Variants in FCER1A observed in about 807,000 individuals in gnomAD.
The protein encoded by FCER1A is high affinity immunoglobulin epsilon receptor subunit alpha.
FCER1A carries 24 observed loss-of-function variants against 23.6 expected under a neutral mutation model. The observed-to-expected ratio is 1.02, with a 90% CI of 0.74 to 1.43. The LOEUF (loss-of-function observed/expected upper bound fraction) is 1.43. Among genes scored for constraint, FCER1A ranks in the 40% most tolerant of loss-of-function variants. FCER1A has a pLI of 0.00. For synonymous variants in FCER1A, 121 were observed against 108.8 expected (o/e 1.11, Z -0.70); for missense variants, 318 against 294.5 (o/e 1.08, Z -0.58).
upstream of FCER1A, among the ~76,000 whole-genome samples, chr1:159,285,194 T>C (rs954315851): frequency 4.6e-5 from 7 of 152,194 alleles, no homozygotes; most frequent in African/African-American, 1.2e-4. Flanking sequence ...GTAGAATCCT[T>C]CTCTCTTTTC....
chr1:159,285,396 CT>C (rs1215835422), upstream of FCER1A, among the ~76,000 whole-genome samples: 2 of 151,966 alleles, frequency 1.3e-5, no homozygotes. Flanking sequence ...ATCTTCTGTA[CT>C]TTTTATAAAT....
intron 4 of FCER1A, among the ~76,000 whole-genome samples, chr1:159,306,729 G>A (rs1652627881): frequency 6.6e-6 from 1 of 152,154 alleles, no homozygotes; most frequent in African/African-American, 2.4e-5. Context: ...GTGTATTGAG[G>A]GAGGAGGGAA....
intron 1 of FCER1A, among the ~76,000 whole-genome samples, chr1:159,289,940 T>C (rs991522989): frequency 7.2e-5 from 11 of 152,186 alleles, no homozygotes; most frequent in African/African-American, 2.7e-4. Flanking sequence ...GTGTGAACAC[T>C]ACCTCATAAG....
chr1:159,308,155 G>A lies in FCER1A; in HGVS notation c.*223G>A. 2.4e-6 allele frequency: 1 copy of A among 415,512 alleles called. No individual in the cohort carries two copies. Among genetic ancestry groups the A allele is most frequent in the South Asian group, 8.5e-5 (1 of 11,734 alleles). The allele number at this position is 415,512 out of a possible 1,614,324, so 25.7% of individuals were successfully genotyped here. On this transcript the variant is annotated 3_prime_UTR_variant, in exon 5 of 5. Transcript: ENST00000693622. ...AGAGAATGAATAGATTCATTTATTA[G>A]CATTTGTAAAAGAGATGTTCAATTT...
rs748130326 is a variant in FCER1A at position 159,305,992 on chromosome 1, G to T, written c.336G>T (p.Trp112Cys). The change falls in exon 4 of 5, where the codon TGG becomes TGT. Residue 112 changes from tryptophan to cysteine, a missense_variant. By Grantham distance (215) the Trp-to-Cys change is radical. Coordinates refer to ENST00000693622, the MANE Select transcript of FCER1A (RefSeq NM_001387280.1). ...AATGTAATGAATGTTCTTCAGACTGGCTGCTCCTTCAGGCCTCTGCTGAGG... is the reference window on the plus strand; with the variant it reads ...AATGTAATGAATGTTCTTCAGACTGTCTGCTCCTTCAGGCCTCTGCTGAGG... ...EPVYLEVFSD[W>C]LLLQASAEVV... The T allele has an allele frequency of 2.5e-6, 4 of 1,613,118 alleles. No individual in the cohort carries two copies. The East Asian group carries it at 6.7e-5, about 27-fold the overall frequency.
At chr1:159,286,312 T>C (rs894086534), upstream of FCER1A, among the ~76,000 whole-genome samples, 1 of 152,188 alleles carries the variant, frequency 6.6e-6, no homozygotes, top group Non-Finnish European at 1.5e-5. Flanking sequence ...CTTTATCATT[T>C]AATTTATTGA....
chr1:159,284,686 C>T, the FCER1A span, among the ~76,000 whole-genome samples: 2 of 152,084 alleles, frequency 1.3e-5, no homozygotes, highest in South Asian at 2.1e-4. Context: ...ATCTTTTATG[C>T]ATTCATATGT....
At chr1:159,292,654 T>C (rs902880683) in intron 1 of FCER1A, among the ~76,000 whole-genome samples, 1 of 152,152 alleles carries the variant, frequency 6.6e-6, no homozygotes, top group Non-Finnish European at 1.5e-5. Flanking sequence ...GTTGAGAGAA[T>C]GTGGGTGTAT....
intron 3 of FCER1A, among the ~76,000 whole-genome samples, chr1:159,304,893 G>A (rs1191610470): frequency 7.4e-6 from 1 of 135,574 alleles, no homozygotes; most frequent in Non-Finnish European, 1.6e-5. Flanking sequence ...TGAATATTAG[G>A]TTGTACTCTT....
chr1:159,285,316 A>G (rs936507187), upstream of FCER1A, among the ~76,000 whole-genome samples: 5 of 152,338 alleles, frequency 3.3e-5, no homozygotes, highest in East Asian at 7.7e-4. Context: ...TCTCATTTAC[A>G]CATTAAAAAG....
At chr1:159,302,265 TATG>T (rs1652449945), upstream of FCER1A, 6 of 847,224 alleles carry the variant, frequency 7.1e-6, no homozygotes, top group South Asian at 6.8e-5. Context: ...GTTAACCAGA[TATG>T]ATACAGAAAA....
intron 1 of FCER1A, 109 bp downstream of exon 1, chr1:159,302,528 A>G: frequency 1.2e-6 from 1 of 834,360 alleles, no homozygotes; most frequent in Non-Finnish European, 2.1e-6. Context: ...ACATGTGCAA[A>G]CTATTGGGCA....
chr1:159,294,553 C>G (rs1652246718), intron 1 of FCER1A, among the ~76,000 whole-genome samples: 1 of 152,160 alleles, frequency 6.6e-6, no homozygotes, highest in Non-Finnish European at 1.5e-5. Context: ...CACAAGCTGT[C>G]ACTGTTCTGT....
At chr1:159,302,925 C>A (rs1191563591) in intron 2 of FCER1A, 51 bp downstream of exon 2, 11 of 1,541,750 alleles carry the variant, frequency 7.1e-6, no homozygotes, top group Non-Finnish European at 9.9e-6. Flanking sequence ...CTGGGCATTG[C>A]TTTCCTCTCA....
At chr1:159,284,974 T>C (rs2427836), upstream of FCER1A, among the ~76,000 whole-genome samples, 51,900 of 152,182 alleles carry the variant, frequency 0.34, 10,760 homozygotes, top group Non-Finnish European at 0.47. Context: ...TGAGCACTGC[T>C]TATTGCATTT....
chr1:159,301,037 C>T (rs1382919201), upstream of FCER1A, among the ~76,000 whole-genome samples: 1 of 152,052 alleles, frequency 6.6e-6, no homozygotes, highest in Non-Finnish European at 1.5e-5. Flanking sequence ...CCTTTTTAGC[C>T]CTATATTTTC....
At chr1:159,293,224 C>T (rs1158374042) in intron 1 of FCER1A, among the ~76,000 whole-genome samples, 4 of 150,710 alleles carry the variant, frequency 2.7e-5, no homozygotes, top group African/African-American at 2.4e-5. Flanking sequence ...TTGCTTCACA[C>T]AGTCCGGTGG....
intron 1 of FCER1A, among the ~76,000 whole-genome samples, chr1:159,293,384 C>CT (rs1012902401): frequency 2.0e-5 from 3 of 151,410 alleles, no homozygotes; most frequent in African/African-American, 2.4e-5. Context: ...CTCTTAATTT[C>CT]TTTTTTTTAA....
upstream of FCER1A, among the ~76,000 whole-genome samples, chr1:159,298,084 T>A (rs1162193219): frequency 1.3e-5 from 2 of 152,180 alleles, no homozygotes; most frequent in Non-Finnish European, 2.9e-5. Context: ...GAGGTCATGA[T>A]CAATTTGTTT....
Sources: allele counts gnomAD v4.1 joint callset (sites outside exome capture counted in the v4.1 genomes callset), GRCh38; gene constraint gnomAD v4.1.1; transcripts MANE v1.5; gene names NCBI Gene and HGNC (gene_info 2026-07-23, HGNC 2026-07-21).